The following SAE1 variants were observed in gnomAD, a reference collection of about 807,000 sequenced individuals.
SAE1 encodes the protein SUMO-activating enzyme subunit 1.
A neutral mutation model predicts 40.6 loss-of-function variants in SAE1; 11 were observed. That is an observed-to-expected ratio of 0.27 (90% CI 0.17 to 0.45). SAE1 has a LOEUF of 0.45. SAE1 is among the 20% of genes least tolerant of loss of function. The pLI, the probability that SAE1 is intolerant of heterozygous loss-of-function variation, is 1.00. For missense variants in SAE1, 373 were observed against 427.3 expected, an observed-to-expected ratio of 0.87 and a Z score of 1.12; for synonymous variants, 155 against 154.3, an observed-to-expected ratio of 1.00 and a Z score of -0.03.
intron 8 of SAE1, among the ~76,000 whole-genome samples, chr19:47,208,718 C>T (rs1311233443): frequency 6.6e-6 from 1 of 152,108 alleles, no homozygotes; most frequent in Non-Finnish European, 1.5e-5. Context: ...AGCCACTGCG[C>T]CCCACCTATT....
intron 5 of SAE1, among the ~76,000 whole-genome samples, chr19:47,155,575 C>G (rs2058317545): frequency 6.6e-6 from 1 of 151,994 alleles, no homozygotes; most frequent in African/African-American, 2.4e-5. Flanking sequence ...ATTCTCCTGC[C>G]TCATCCTCCC....
chr19:47,203,762 G>A, intron 8 of SAE1, 22 bp downstream of exon 8: 1 of 1,604,356 alleles, frequency 6.2e-7, no homozygotes, highest in Non-Finnish European at 8.5e-7. Context: ...CTGTGGAGCA[G>A]AAAATTGTTA....
chr19:47,163,664 T>G (rs2058372440), intron 5 of SAE1, among the ~76,000 whole-genome samples: 1 of 151,922 alleles, frequency 6.6e-6, no homozygotes, highest in South Asian at 2.1e-4. Context: ...GAGGCAGAGG[T>G]TGCAGTGAGC....
chr19:47,165,287 A>G (rs1263405858), intron 5 of SAE1, among the ~76,000 whole-genome samples: 4 of 150,620 alleles, frequency 2.7e-5, no homozygotes. Context: ...ACGGGGTTTC[A>G]CCATGTTGGC....
At chr19:47,203,013 A>G (rs914864177) in intron 7 of SAE1, among the ~76,000 whole-genome samples, 2 of 152,196 alleles carry the variant, frequency 1.3e-5, no homozygotes, top group Non-Finnish European at 2.9e-5. Context: ...CTTGGTGAGC[A>G]CACAGCATTG....
At chr19:47,143,692 C>A (rs2058237396) in intron 2 of SAE1, 87 bp downstream of exon 2, 1 of 941,802 alleles carries the variant, frequency 1.1e-6, no homozygotes, top group Non-Finnish European at 1.7e-6. Context: ...CCTCCTTGTG[C>A]CTTAAGGGCT....
At chr19:47,146,285 A>G (rs1004945250) in intron 2 of SAE1, among the ~76,000 whole-genome samples, 2 of 152,114 alleles carry the variant, frequency 1.3e-5, no homozygotes, top group Non-Finnish European at 2.9e-5. Flanking sequence ...AAGAGTTTCA[A>G]ATGACAGGAA....
chr19:47,183,043 G>A (rs552175221), intron 6 of SAE1, among the ~76,000 whole-genome samples: 10 of 152,178 alleles, frequency 6.6e-5, no homozygotes, highest in Non-Finnish European at 1.3e-4. Flanking sequence ...TGCCTCCCGA[G>A]TAGCTGGGAT....
At chr19:47,148,025 G>T (rs890941098) in intron 2 of SAE1, among the ~76,000 whole-genome samples, 1 of 152,012 alleles carries the variant, frequency 6.6e-6, no homozygotes, top group African/African-American at 2.4e-5. Flanking sequence ...CTCCCAAAGT[G>T]CTGGGATTAC....
intron 5 of SAE1, among the ~76,000 whole-genome samples, chr19:47,160,012 A>G (rs2058349089): frequency 6.6e-6 from 1 of 152,194 alleles, no homozygotes; most frequent in Non-Finnish European, 1.5e-5. Context: ...TCCATTTTAA[A>G]AAAGAGTAAT....
intron 4 of SAE1, among the ~76,000 whole-genome samples, chr19:47,154,075 G>A (rs1326175548): frequency 1.3e-5 from 2 of 148,456 alleles, no homozygotes; most frequent in Admixed American, 6.8e-5. Flanking sequence ...ACACAGGCGT[G>A]AGCCACCGCA....
At chr19:47,184,848 CAG>C (rs2058534516) in intron 6 of SAE1, among the ~76,000 whole-genome samples, 1 of 148,590 alleles carries the variant, frequency 6.7e-6, no homozygotes, top group South Asian at 2.1e-4. Context: ...GTTTTTGAGA[CAG>C]TCTCACTCTG....
chr19:47,203,167 G>T (rs1398362377), intron 7 of SAE1, among the ~76,000 whole-genome samples: 2 of 152,180 alleles, frequency 1.3e-5, no homozygotes, highest in Admixed American at 1.3e-4. Flanking sequence ...TCCTGGCCCA[G>T]AAGGGCTGGT....
At position 47,179,904 on chromosome 19, in the gene SAE1, C is replaced by T. The variant is rs569284449; in HGVS notation, c.733+9981C>T. Among the ~76,000 whole-genome samples, 5 of 151,590 alleles carry T rather than the reference C, an allele frequency of 3.3e-5. No individual in the cohort carries two copies. The South Asian group carries it at 1.1e-3, about 32-fold the overall frequency. On this transcript the variant is annotated intron_variant, in intron 6 of 8. Transcript: ENST00000270225. ...ATAGGGGTTAGCAATTCTGAAACTACTTACTGTTCTTCTAAGATTGAGCAG... is the reference window on the plus strand; with the variant it reads ...ATAGGGGTTAGCAATTCTGAAACTATTTACTGTTCTTCTAAGATTGAGCAG...
intron 4 of SAE1, among the ~76,000 whole-genome samples, chr19:47,154,480 C>CT (rs57870733): frequency 0.35 from 18,254 of 51,608 alleles, 7,031 homozygotes; most frequent in Non-Finnish European, 0.46. Flanking sequence ...TTAAGTTTGG[C>CT]TTTTTTTTTT....
chr19:47,142,899 G>A (rs1466040112), intron 1 of SAE1, among the ~76,000 whole-genome samples: 1 of 152,078 alleles, frequency 6.6e-6, no homozygotes, highest in East Asian at 1.9e-4. Context: ...CACATATTAT[G>A]TATCTATTTG....
chr19:47,209,068 AC>A, intron 8 of SAE1, 90 bp from the exon 9 acceptor site: 1 of 1,303,214 alleles, frequency 7.7e-7, no homozygotes, highest in Non-Finnish European at 1.1e-6. Context: ...CCAGTTAAGA[AC>A]CACTGCCCTA....
Position 47,209,282 on chromosome 19 carries a change from A to C in SAE1, c.*31A>C. On this transcript the variant is annotated 3_prime_UTR_variant, in exon 9 of 9. Transcript: ENST00000270225. Reference sequence around the variant, plus strand: ...AGATTTGGCAGCCCCAGAGATGCCAACTGCAGCATGCCCACCTGTATTCCC... The same window carrying C: ...AGATTTGGCAGCCCCAGAGATGCCACCTGCAGCATGCCCACCTGTATTCCC... 1 of 1,614,110 alleles carries C rather than the reference A, an allele frequency of 6.2e-7. No homozygotes were observed. Among genetic ancestry groups the C allele is most frequent in the Non-Finnish European group, 8.5e-7 (1 of 1,180,010 alleles).
intron 1 of SAE1, among the ~76,000 whole-genome samples, chr19:47,138,739 T>C (rs533271500): frequency 6.6e-6 from 1 of 152,252 alleles, no homozygotes; most frequent in African/African-American, 2.4e-5. Context: ...TCCCAGCTAC[T>C]GGGGAGGCTG....
Sources: allele counts gnomAD v4.1 joint callset (sites outside exome capture counted in the v4.1 genomes callset), GRCh38; gene constraint gnomAD v4.1.1; transcripts MANE v1.5; gene names NCBI Gene and HGNC (gene_info 2026-07-23, HGNC 2026-07-21).